Variants in TLN1 observed in about 807,000 individuals in gnomAD.
The protein encoded by TLN1 is talin-1.
TLN1 carries 56 observed loss-of-function variants against 292.3 expected under a neutral mutation model. The observed-to-expected ratio is 0.19, with a 90% confidence interval of 0.15 to 0.24. The LOEUF (loss-of-function observed/expected upper bound fraction) is 0.24. TLN1 is among the 10% of genes least tolerant of loss of function. The pLI is 1.00. For synonymous variants in TLN1, 1,119 were observed against 1,253.7 expected (o/e 0.89, Z 2.27); for missense variants, 2,433 against 3,248.2 (o/e 0.75, Z 6.10).
intron 1 of TLN1, among the ~76,000 whole-genome samples, chr9:35,727,380 C>T (rs1193820475): frequency 6.6e-6 from 1 of 152,090 alleles, no homozygotes; most frequent in Non-Finnish European, 1.5e-5. Context: ...AATTGAAAAT[C>T]TAAGTAGAAA....
chr9:35,705,912 G>T (rs544896237), intron 41 of TLN1, 50 bp downstream of exon 41: 3 of 1,613,964 alleles, frequency 1.9e-6, no homozygotes, highest in Non-Finnish European at 2.5e-6. Context: ...GTGCTTGGAG[G>T]CTCTGGCCCA....
At position 35,724,984 on chromosome 9, in the gene TLN1, G is replaced by C. The variant is rs1255214665; in HGVS notation, c.229-25C>G. 1 of 1,613,768 alleles carries C rather than the reference G, an allele frequency of 6.2e-7. No homozygotes were observed. Among genetic ancestry groups the C allele is most frequent in the South Asian group, 1.1e-5 (1 of 91,064 alleles). On this transcript the variant is annotated intron_variant, in intron 3 of 56. Transcript: ENST00000314888. This position sits in a 1 kb window ranked among gnomAD's most constrained non-coding sequence, Gnocchi z 4.7. The stretch of plus-strand genomic sequence containing the variant: ...CCTGTTAGGGCAGGAAGAAGAGACA[G>C]GGGCCTACTCTGAGCTAGGGGTATT...
intron 46 of TLN1, 31 bp from the exon 47 acceptor site, chr9:35,703,931 G>A: frequency 1.2e-6 from 2 of 1,613,832 alleles, no homozygotes; most frequent in Non-Finnish European, 1.7e-6. Context: ...TCTGGTCTAT[G>A]GGAGGAAGAA....
rs1825547185 is a variant in TLN1 at position 35,705,461 on chromosome 9, G to T, written c.5733+90C>A. On this transcript the variant is annotated intron_variant, in intron 43 of 56. Transcript: ENST00000314888. ...TGAGGCTGTTCCCCTTTCTATGAAA[G>T]ACCAGAGAGGGTGGGGGTGGGACAG... 6 of 1,336,430 alleles carry T rather than the reference G, an allele frequency of 4.5e-6. No homozygotes were observed. The Admixed American group carries it at 6.8e-5, about 15-fold the overall frequency. The allele number at this position is 1,336,430 out of a possible 1,614,324, so 82.8% of individuals were successfully genotyped here.
intron 25 of TLN1, 138 bp downstream of exon 25, chr9:35,713,815 G>T: frequency 1.1e-6 from 1 of 902,214 alleles, no homozygotes. Flanking sequence ...AAGGAAGGAA[G>T]AAGAAAGAAA....
Position 35,703,865 on chromosome 9 carries a change from T to G in TLN1, c.6267A>C (p.Lys2089Asn), listed in dbSNP as rs1409021891. ...VLINAVKDVA[K>N]ALGDLISATK... ...TTGCACTGATGAGGTCTCCCAGGGC[T>G]TTGGCTACATCTTTCACTGCGTTGA... is the stretch of plus-strand genomic sequence containing the variant. Residue 2089 changes from lysine (K) to asparagine (N), a missense_variant, in exon 47 of 57, where the codon AAA becomes AAC. Physicochemically the swap from Lys to Asn is moderately conservative, Grantham distance 94. Transcript: ENST00000314888. 1 of 1,614,222 alleles carries G rather than the reference T, an allele frequency of 6.2e-7. No homozygotes were observed. The highest frequency in any genetic ancestry group is 8.5e-7 in the Non-Finnish European group (1 of 1,180,036).
chr9:35,727,852 A>T (rs1274616934), intron 1 of TLN1, among the ~76,000 whole-genome samples: 1 of 152,146 alleles, frequency 6.6e-6, no homozygotes, highest in Non-Finnish European at 1.5e-5. Flanking sequence ...GAGCTGAGTC[A>T]TGCCTACCCT....
Position 35,700,168 on chromosome 9 carries a change from G to A in TLN1, c.6660+23C>T, listed in dbSNP as rs369758025. 39 of 1,592,502 alleles carry A rather than the reference G, an allele frequency of 2.4e-5. 1 individual carries two copies. The highest frequency in any genetic ancestry group is 6.8e-5 in the East Asian group (3 of 44,286). On this transcript the variant is annotated intron_variant, in intron 49 of 56. Transcript: ENST00000314888. ...ATGTTCTGGCCCAAAGCTGCCTCAC[G>A]GAAATGCCTCAAGGATTTCTACCTT...
chr9:35,705,369 C>T (rs1825546289), intron 43 of TLN1, among the ~76,000 whole-genome samples, 182 bp downstream of exon 43: 4 of 152,298 alleles, frequency 2.6e-5, no homozygotes, highest in Middle Eastern at 3.4e-3. Flanking sequence ...TTCCTTTGTA[C>T]CTGTGACTGA....
At chr9:35,709,755 C>A (rs1378776231) in intron 33 of TLN1, among the ~76,000 whole-genome samples, 1 of 149,966 alleles carries the variant, frequency 6.7e-6, no homozygotes, top group Non-Finnish European at 1.5e-5. Flanking sequence ...GGCATGGTGG[C>A]GCGCGCCTGT....
chr9:35,717,690 G>C lies in TLN1; in HGVS notation c.2092C>G (p.Leu698Val). The change falls in exon 18 of 57, where the codon CTT (leucine) becomes GTT (valine). Residue 698 changes from leucine (L) to valine (V), a missense_variant. Around this residue, in one of 7 missense-constraint regions of TLN1, gnomAD observed 617 missense variants for 770.6 expected, o/e 0.80. Coordinates refer to ENST00000314888, the MANE Select transcript of TLN1 (RefSeq NM_006289.4). This position sits in a 1 kb window ranked among gnomAD's most constrained non-coding sequence, Gnocchi z 4.7. ...SVAQRTEDSG[L>V]QTQVIAAATQ... The stretch of plus-strand genomic sequence containing the variant: ...GCTGCAGCAATAACTTGGGTCTGAA[G>C]TCCCGAGTCCTCTGTCCGCTGGGCC... 6.2e-7 allele frequency: 1 copy of C among 1,614,150 alleles called. No homozygotes were observed. Among genetic ancestry groups the C allele is most frequent in the Non-Finnish European group, 8.5e-7 (1 of 1,180,008 alleles).
Position 35,700,373 on chromosome 9 carries a change from A to T in TLN1, c.6478T>A (p.Phe2160Ile). The change falls in exon 49 of 57, where the codon TTC becomes ATC. Residue 2160 changes from phenylalanine (F) to isoleucine (I), a missense_variant. Phe to Ile is a conservative substitution (Grantham distance 21, BLOSUM62 0). Transcript: ENST00000314888. ...TEHIRQELAVFCSPEPPAKTS... is the reference protein window; with the variant it reads ...TEHIRQELAVICSPEPPAKTS... ...TTGGCAGGTGGCTCTGGGGAACAGA[A>T]AACCTGTGGGGGCAGAAGAAGAAGA... 1 of 1,597,448 alleles carries T rather than the reference A, an allele frequency of 6.3e-7. No individual in the cohort carries two copies. The highest frequency in any genetic ancestry group is 8.6e-7 in the Non-Finnish European group (1 of 1,166,478).
At chr9:35,716,261 T>G in intron 20 of TLN1, 129 bp downstream of exon 20, 1 of 995,548 alleles carries the variant, frequency 1.0e-6, no homozygotes, top group Non-Finnish European at 1.4e-6. Flanking sequence ...ATTTCCTGAG[T>G]GCTCCTATAT....
rs1374077917 is a variant in TLN1, at chr9:35,711,808, G to C, written c.3682-16C>G. 2.5e-6 allele frequency: 4 copies of C among 1,613,844 alleles called. No homozygotes were observed. The South Asian group carries it at 3.3e-5, about 13-fold the overall frequency. On this transcript the variant is annotated splice_polypyrimidine_tract_variant and intron_variant, in intron 28 of 56. Coordinates refer to ENST00000314888, the MANE Select transcript of TLN1 (RefSeq NM_006289.4). ...TAGGAGGAAGCTGCAAGGTGAGAGGGGAAGTCAGACAGAAGAGTGGGGAAT... is the reference window on the plus strand; with the variant it reads ...TAGGAGGAAGCTGCAAGGTGAGAGGCGAAGTCAGACAGAAGAGTGGGGAAT...
Position 35,708,208 on chromosome 9 carries a change from C to T in TLN1, c.4470+133G>A, listed in dbSNP as rs551970908. ...CCCATGGCAGAAAAAGACAGTTACC[C>T]AAAAAGAAGCTGTGTGTGCAAGGTC... is the stretch of plus-strand genomic sequence containing the variant. On this transcript the variant is annotated intron_variant, in intron 34 of 56. Transcript: ENST00000314888. 1.2e-5 allele frequency: 14 copies of T among 1,174,944 alleles called. No individual in the cohort carries two copies. In the South Asian group the frequency reaches 1.9e-4, roughly 16 times the overall value. 72.8% of individuals were successfully genotyped at this position (1,174,944 alleles called of 1,614,324 possible). A position where few individuals can be genotyped will look rare whatever the true frequency, so the allele number is the denominator to read the frequency against.
In TLN1 at chr9:35,706,102, G is replaced by A; in HGVS notation, c.5371C>T (p.His1791Tyr). The change falls in exon 41 of 57, where the codon CAC (histidine) becomes TAC (tyrosine). Residue 1791 changes from histidine to tyrosine, a missense_variant. Coordinates refer to ENST00000314888, the MANE Select transcript of TLN1 (RefSeq NM_006289.4). This position sits in a 1 kb window ranked among gnomAD's most constrained non-coding sequence, Gnocchi z 4.2. ...EAGGNPKQAAHTQEALEEAVQ... is the reference protein window; with the variant it reads ...EAGGNPKQAAYTQEALEEAVQ... ...GCCTCCTCCAGGGCTTCCTGGGTGTGAGCTGCTTGCTGTGGGGAGAGGAGA... is the reference window on the plus strand; with the variant it reads ...GCCTCCTCCAGGGCTTCCTGGGTGTAAGCTGCTTGCTGTGGGGAGAGGAGA... 1 of 1,614,116 alleles carries A rather than the reference G, an allele frequency of 6.2e-7. No individual in the cohort carries two copies. Among genetic ancestry groups the A allele is most frequent in the Non-Finnish European group, 8.5e-7 (1 of 1,180,008 alleles).
Position 35,699,959 on chromosome 9 carries a change from A to T in TLN1, c.6768+15T>A. On this transcript the variant is annotated intron_variant, in intron 50 of 56. Coordinates refer to ENST00000314888, the MANE Select transcript of TLN1 (RefSeq NM_006289.4). The surrounding 1 kb of genome is among the most constrained non-coding windows in gnomAD (Gnocchi z 4.0). ...AGGGAGGCTGGTATGAGGAACAAGC[A>T]ACGCCCTCCCTTACCAGCAGTACAT... The T allele has an allele frequency of 6.3e-7, 1 of 1,599,748 alleles. No homozygotes were observed. The highest frequency in any genetic ancestry group is 8.5e-7 in the Non-Finnish European group (1 of 1,170,380).
At position 35,704,875 on chromosome 9, in the gene TLN1, T is replaced by C. The variant is rs778222140; in HGVS notation, c.5734-60A>G. ...AGGGGCACTCAGGGTACCTTCACTGTGCTTGGAAAAGTCACTAAGGACATA... is the reference window on the plus strand; with the variant it reads ...AGGGGCACTCAGGGTACCTTCACTGCGCTTGGAAAAGTCACTAAGGACATA... On this transcript the variant is annotated intron_variant, in intron 43 of 56. Transcript: ENST00000314888. The surrounding 1 kb of genome is among the most constrained non-coding windows in gnomAD (Gnocchi z 6.9). 6.4e-7 allele frequency: 1 copy of C among 1,564,656 alleles called. No individual in the cohort carries two copies. Among genetic ancestry groups the C allele is most frequent in the African/African-American group, 1.4e-5 (1 of 70,686 alleles).
At chr9:35,703,703 A>C (rs1222756944) in intron 47 of TLN1, 27 bp from the exon 48 acceptor site, 1 of 1,614,094 alleles carries the variant, frequency 6.2e-7, no homozygotes, top group East Asian at 2.2e-5. Flanking sequence ...AGTGAAGAGG[A>C]ATGATTTTAA....
Sources: allele counts gnomAD v4.1 joint callset (sites outside exome capture counted in the v4.1 genomes callset), GRCh38; gene constraint gnomAD v4.1.1; regional missense constraint gnomAD v4.1.1; non-coding constraint Gnocchi (gnomAD v3.1); transcripts MANE v1.5; gene names NCBI Gene and HGNC (gene_info 2026-07-23, HGNC 2026-07-21).